R3HCC1L: variants seen among roughly 807,000 people sequenced by gnomAD.
R3HCC1L encodes the protein R3H domain and coiled-coil containing 1 like, also known as coiled-coil domain-containing protein R3HCC1L.
In R3HCC1L, 51 loss-of-function variants were observed where a neutral mutation model predicts 59.9. That is an observed-to-expected ratio of 0.85 (90% confidence interval 0.68 to 1.07). The LOEUF is 1.07. Ranked by LOEUF, R3HCC1L falls within the 50% of genes least tolerant of loss-of-function variation. The pLI is 0.00. For synonymous variants in R3HCC1L, 322 were observed against 315.2 expected (o/e 1.02, Z -0.23); for missense variants, 965 against 933.0 (o/e 1.03, Z -0.45).
intron 5 of R3HCC1L, among the ~76,000 whole-genome samples, chr10:98,211,106 T>C (rs1472655214): frequency 6.6e-6 from 1 of 152,172 alleles, no homozygotes; most frequent in African/African-American, 2.4e-5. Flanking sequence ...AGAATACCTA[T>C]GAATGAGCAT....
intron 1 of R3HCC1L, among the ~76,000 whole-genome samples, chr10:98,145,567 T>C (rs1436785038): frequency 6.6e-6 from 1 of 152,230 alleles, no homozygotes; most frequent in Non-Finnish European, 1.5e-5. Flanking sequence ...TTTAAAGTAA[T>C]GTTTTTGGGG....
chr10:98,234,926 C>T (rs778286051), intron 7 of R3HCC1L, among the ~76,000 whole-genome samples: 4 of 152,058 alleles, frequency 2.6e-5, no homozygotes, highest in Non-Finnish European at 4.4e-5. Flanking sequence ...ATTGGGCCTT[C>T]TTACATATAC....
intron 5 of R3HCC1L, among the ~76,000 whole-genome samples, chr10:98,217,350 C>G (rs1267189060): frequency 6.6e-6 from 1 of 152,012 alleles, no homozygotes. Context: ...GAATAGGGTT[C>G]TCTATTCTGT....
At chr10:98,204,317 A>T (rs1288146764) in intron 4 of R3HCC1L, among the ~76,000 whole-genome samples, 2 of 152,196 alleles carry the variant, frequency 1.3e-5, no homozygotes, top group Non-Finnish European at 2.9e-5. Context: ...AGGCAGGAGA[A>T]TAGCCTGAAC....
chr10:98,221,491 T>C (rs1244152497), intron 5 of R3HCC1L, among the ~76,000 whole-genome samples: 7 of 151,810 alleles, frequency 4.6e-5, no homozygotes, highest in Non-Finnish European at 1.0e-4. Context: ...TAGGTTTTCT[T>C]CTAGGGTTTT....
intron 5 of R3HCC1L, among the ~76,000 whole-genome samples, chr10:98,219,256 T>C (rs1431235060): frequency 2.0e-5 from 3 of 152,180 alleles, no homozygotes; most frequent in Non-Finnish European, 4.4e-5. Flanking sequence ...TTATCTTACA[T>C]AACTACCCCC....
intron 4 of R3HCC1L, among the ~76,000 whole-genome samples, chr10:98,189,189 T>G (rs1004467601): frequency 1.1e-4 from 16 of 151,984 alleles, no homozygotes; most frequent in African/African-American, 3.9e-4. Flanking sequence ...ATGCCTAGAG[T>G]AGCAATAAGT....
intron 4 of R3HCC1L, among the ~76,000 whole-genome samples, chr10:98,205,073 G>C (rs1205922207): frequency 6.6e-6 from 1 of 152,144 alleles, no homozygotes; most frequent in Non-Finnish European, 1.5e-5. Context: ...TCTGCAAACT[G>C]ATTGTTAAAC....
chr10:98,230,907 C>G (rs1370144919), intron 5 of R3HCC1L: 1 of 179,074 alleles, frequency 5.6e-6, no homozygotes, highest in Non-Finnish European at 1.2e-5. Context: ...CCTTCACTAG[C>G]CTGCTATATG....
chr10:98,157,803 C>A (rs1847028822), intron 2 of R3HCC1L, among the ~76,000 whole-genome samples: 1 of 152,092 alleles, frequency 6.6e-6, no homozygotes, highest in Non-Finnish European at 1.5e-5. Flanking sequence ...GTATTCCATT[C>A]TTTTAACACA....
intron 5 of R3HCC1L, among the ~76,000 whole-genome samples, chr10:98,222,270 A>G (rs1282685470): frequency 1.3e-5 from 2 of 152,036 alleles, no homozygotes; most frequent in Admixed American, 1.3e-4. Context: ...CAGCTTAAGG[A>G]GATTTTGGGC....
chr10:98,184,397 A>G (rs867587788), intron 4 of R3HCC1L, among the ~76,000 whole-genome samples: 3 of 152,196 alleles, frequency 2.0e-5, no homozygotes, highest in South Asian at 2.1e-4. Context: ...TTAGATAAAC[A>G]AAATACTTAC....
chr10:98,219,138 C>T (rs547014991), intron 5 of R3HCC1L, among the ~76,000 whole-genome samples: 1 of 152,320 alleles, frequency 6.6e-6, no homozygotes, highest in South Asian at 2.1e-4. Flanking sequence ...TCTTGATCTC[C>T]TGGCCTCAAG....
chr10:98,223,979 G>C (rs992080996), intron 5 of R3HCC1L, among the ~76,000 whole-genome samples: 1 of 152,128 alleles, frequency 6.6e-6, no homozygotes, highest in Admixed American at 6.5e-5. Flanking sequence ...CAAGCAGCAC[G>C]CAGAATAATT....
At chr10:98,152,215 G>T (rs560205528) in intron 1 of R3HCC1L, among the ~76,000 whole-genome samples, 1 of 152,222 alleles carries the variant, frequency 6.6e-6, no homozygotes, top group Admixed American at 6.5e-5. Flanking sequence ...TCGGCCTCCC[G>T]AGGTGCCGGG....
chr10:98,202,217 A>G (rs913930200), intron 4 of R3HCC1L, among the ~76,000 whole-genome samples: 1 of 152,216 alleles, frequency 6.6e-6, no homozygotes, highest in Non-Finnish European at 1.5e-5. Flanking sequence ...CAACCATCAC[A>G]GTAAAGATGG....
intron 1 of R3HCC1L, among the ~76,000 whole-genome samples, chr10:98,154,393 T>G (rs901172608): frequency 3.3e-5 from 5 of 152,170 alleles, no homozygotes; most frequent in African/African-American, 1.2e-4. Context: ...GGGAGGGTCT[T>G]TCTTTCCTTG....
At chr10:98,229,195 T>C (rs1302979705) in intron 5 of R3HCC1L, among the ~76,000 whole-genome samples, 1 of 152,196 alleles carries the variant, frequency 6.6e-6, no homozygotes, top group Non-Finnish European at 1.5e-5. Context: ...ATTTTCACGA[T>C]ATTGATTCTT....
intron 4 of R3HCC1L, among the ~76,000 whole-genome samples, chr10:98,172,426 T>C (rs1297587150): frequency 6.6e-6 from 1 of 152,234 alleles, no homozygotes; most frequent in Non-Finnish European, 1.5e-5. Context: ...TTAGGATTTC[T>C]GTTCTAGAGG....
Sources: gnomAD v4.1 joint callset for allele counts (sites outside exome capture counted in the v4.1 genomes callset) on GRCh38, gnomAD v4.1.1 for gene constraint, MANE v1.5 for transcripts, NCBI Gene and HGNC (gene_info 2026-07-23, HGNC 2026-07-21) for gene names.